LRBA: variants seen among roughly 807,000 people sequenced by gnomAD.
The protein encoded by LRBA is lipopolysaccharide-responsive and beige-like anchor protein.
LRBA carries 176 observed loss-of-function variants against 330.0 expected under a neutral mutation model. The ratio of observed to expected loss-of-function variants is 0.53; its 90% CI spans 0.47 to 0.60. The LOEUF (loss-of-function observed/expected upper bound fraction) is 0.60. LRBA is among the 20% of genes least tolerant of loss of function. The probability of loss-of-function intolerance (pLI) is 0.00; values close to 1 mark genes in which losing one functional copy is unlikely to be tolerated. For synonymous variants in LRBA, 1,230 were observed against 1,193.0 expected (o/e 1.03, Z -0.64); for missense variants, 3,259 against 3,444.8 (o/e 0.95, Z 1.35).
At chr4:150,763,033 G>A (rs1337461073) in intron 34 of LRBA, among the ~76,000 whole-genome samples, 2 of 151,722 alleles carry the variant, frequency 1.3e-5, no homozygotes, top group South Asian at 2.1e-4. Context: ...TGGTTCTTAA[G>A]ACTAAAACAA....
At chr4:150,960,249 G>C (rs540248726) in intron 2 of LRBA, among the ~76,000 whole-genome samples, 1 of 148,972 alleles carries the variant, frequency 6.7e-6, no homozygotes, top group African/African-American at 2.6e-5. Flanking sequence ...CCTGACATAA[G>C]AGCCTCCGGA....
chr4:150,531,199 C>CA (rs753512330), intron 40 of LRBA, among the ~76,000 whole-genome samples: 1 of 152,162 alleles, frequency 6.6e-6, no homozygotes, highest in Non-Finnish European at 1.5e-5. Context: ...TTAATATTTT[C>CA]TAAATGAATA....
chr4:150,622,058 A>G (rs1481698830), intron 37 of LRBA, among the ~76,000 whole-genome samples: 2 of 152,194 alleles, frequency 1.3e-5, no homozygotes, highest in Non-Finnish European at 2.9e-5. Context: ...AAGCAGCAGC[A>G]TGTTTATTTT....
chr4:150,447,272 T>C (rs1485863589), intron 44 of LRBA, among the ~76,000 whole-genome samples: 1 of 152,212 alleles, frequency 6.6e-6, no homozygotes, highest in Non-Finnish European at 1.5e-5. Flanking sequence ...TATTTCTTGG[T>C]ATGTCTGTGA....
chr4:150,506,781 T>C (rs1406792347), intron 40 of LRBA, among the ~76,000 whole-genome samples: 1 of 152,104 alleles, frequency 6.6e-6, no homozygotes, highest in Admixed American at 6.5e-5. Context: ...AAAGAGGAAG[T>C]CAAACTGCCC....
chr4:150,650,791 C>T lies in LRBA; in HGVS notation c.5921+32760G>A, dbSNP rs376611069. On this transcript the variant is annotated intron_variant, in intron 37 of 56. Transcript: ENST00000651943. ...TGTTTTACTTCATTAGACAAAAAGACCAAAAAAAAAAGTCTACTTCTATTT... is the reference window on the plus strand; with the variant it reads ...TGTTTTACTTCATTAGACAAAAAGATCAAAAAAAAAAGTCTACTTCTATTT... 2.0e-5 allele frequency among the ~76,000 whole-genome samples: 3 copies of T among 150,916 alleles called. No homozygotes were observed. In the East Asian group the frequency reaches 5.8e-4, roughly 29 times the overall value.
chr4:151,003,472 C>G (rs2149657234), intron 2 of LRBA, among the ~76,000 whole-genome samples: 1 of 151,288 alleles, frequency 6.6e-6, no homozygotes, highest in East Asian at 1.9e-4. Flanking sequence ...GAATCCTGAG[C>G]CTAAAGAACA....
chr4:150,955,551 G>A lies in LRBA; in HGVS notation c.217-26486C>T, dbSNP rs1008662046. ...GAAGATTGCTTGAGCCCAGGAGTTC[G>A]AGGTCAGCCTGGGCAACACAAGGCA... On this transcript the variant is annotated intron_variant, in intron 2 of 56. Coordinates refer to ENST00000651943, the MANE Select transcript of LRBA (RefSeq NM_001364905.1). Among the ~76,000 whole-genome samples, 4 of 148,742 alleles carry A rather than the reference G, an allele frequency of 2.7e-5. 1 individual carries two copies. The highest frequency in any genetic ancestry group is 7.8e-5 in the African/African-American group (3 of 38,262).
intron 17 of LRBA, among the ~76,000 whole-genome samples, chr4:150,886,027 G>C (rs1303911977): frequency 6.6e-6 from 1 of 151,756 alleles, no homozygotes; most frequent in Non-Finnish European, 1.5e-5. Context: ...AAAATCAACA[G>C]GGGAATTTTG....
chr4:150,932,581 C>T (rs1245921824), intron 2 of LRBA, among the ~76,000 whole-genome samples: 1 of 152,108 alleles, frequency 6.6e-6, no homozygotes, highest in Non-Finnish European at 1.5e-5. Context: ...TACTGTCATA[C>T]ATTACTGTTG....
chr4:150,834,656 G>C (rs990494413), intron 28 of LRBA, among the ~76,000 whole-genome samples: 1 of 152,098 alleles, frequency 6.6e-6, no homozygotes, highest in South Asian at 2.1e-4. Context: ...TAATTCTTAA[G>C]GGTCCGAGGA....
intron 35 of LRBA, among the ~76,000 whole-genome samples, chr4:150,746,025 C>G (rs757752005): frequency 2.6e-5 from 4 of 152,150 alleles, no homozygotes; most frequent in Admixed American, 2.6e-4. Flanking sequence ...AGCCCCCTTC[C>G]CTGTTCACTT....
rs547843240 is a variant in LRBA, at chr4:150,571,836, A to G, written c.6330+16212T>C. Among the ~76,000 whole-genome samples, 32 of 151,246 alleles carry G rather than the reference A, an allele frequency of 2.1e-4. No individual in the cohort carries two copies. The East Asian group carries it at 5.6e-3, about 27-fold the overall frequency. Reference sequence around the variant, plus strand: ...GTTATTTAAGGAAGTTTTTAAAAACATTTACTTTTCTGTTTTATTTCAATC... The same window carrying G: ...GTTATTTAAGGAAGTTTTTAAAAACGTTTACTTTTCTGTTTTATTTCAATC... On this transcript the variant is annotated intron_variant, in intron 40 of 56. Coordinates refer to ENST00000651943, the MANE Select transcript of LRBA (RefSeq NM_001364905.1).
chr4:150,884,845 C>A (rs1188187337), intron 17 of LRBA, among the ~76,000 whole-genome samples: 1 of 151,708 alleles, frequency 6.6e-6, no homozygotes, highest in African/African-American at 2.4e-5. Context: ...TTGTAAGGTC[C>A]AAATGTTAGA....
chr4:150,904,087 T>C (rs1376901373), intron 13 of LRBA, among the ~76,000 whole-genome samples: 1 of 152,224 alleles, frequency 6.6e-6, no homozygotes, highest in Admixed American at 6.5e-5. Flanking sequence ...AAATCGCTGG[T>C]AGCTCCCTTT....
intron 40 of LRBA, among the ~76,000 whole-genome samples, chr4:150,562,167 T>C (rs571217821): frequency 6.6e-6 from 1 of 152,296 alleles, no homozygotes; most frequent in Middle Eastern, 3.4e-3. Context: ...CTTAAATACA[T>C]GAGGCTATTC....
intron 47 of LRBA, among the ~76,000 whole-genome samples, chr4:150,373,141 G>C (rs1740671314): frequency 6.8e-6 from 1 of 146,164 alleles, no homozygotes; most frequent in Admixed American, 6.8e-5. Flanking sequence ...GTGTGTGTGT[G>C]TGTGTGTGTG....
At chr4:150,374,032 G>A (rs542947869) in intron 47 of LRBA, among the ~76,000 whole-genome samples, 23 of 152,078 alleles carry the variant, frequency 1.5e-4, no homozygotes, top group Non-Finnish European at 2.5e-4. Flanking sequence ...CTTCTTTCAT[G>A]GACACCATAC....
rs552909501 is a variant in LRBA at position 150,271,093 on chromosome 4, G to A, written c.8469-5281C>T. 4.6e-5 allele frequency among the ~76,000 whole-genome samples: 7 copies of A among 152,256 alleles called. No individual in the cohort carries two copies. In the South Asian group the frequency reaches 8.3e-4, roughly 18 times the overall value. On this transcript the variant is annotated intron_variant, in intron 56 of 56. Transcript: ENST00000651943. ...AGGGTGGGGTGTTGCCTCACCCATGGAAGCACAAGGGGTCGGGGAATTCCC... is the reference window on the plus strand; with the variant it reads ...AGGGTGGGGTGTTGCCTCACCCATGAAAGCACAAGGGGTCGGGGAATTCCC...
Sources: gnomAD v4.1 joint callset for allele counts (sites outside exome capture counted in the v4.1 genomes callset) on GRCh38, gnomAD v4.1.1 for gene constraint, MANE v1.5 for transcripts, NCBI Gene and HGNC (gene_info 2026-07-23, HGNC 2026-07-21) for gene names.